The following NALCN variants were observed in gnomAD, a reference collection of about 807,000 sequenced individuals.
NALCN encodes the protein sodium leak channel, non-selective.
In NALCN, 111 loss-of-function variants were observed where a neutral mutation model predicts 225.3. That is an observed-to-expected ratio of 0.49 (90% CI 0.42 to 0.58). The LOEUF (loss-of-function observed/expected upper bound fraction) is 0.58. Ranked by LOEUF, NALCN falls within the 20% of genes least tolerant of loss-of-function variation. The pLI, the probability that NALCN is intolerant of heterozygous loss-of-function variation, is 0.00. For missense variants in NALCN, 1,378 were observed against 2,202.4 expected, an observed-to-expected ratio of 0.63 and a Z score of 7.49; for synonymous variants, 764 against 769.0, an observed-to-expected ratio of 0.99 and a Z score of 0.11.
intron 17 of NALCN, among the ~76,000 whole-genome samples, chr13:101,133,777 A>G (rs2036628475): frequency 6.6e-6 from 1 of 152,244 alleles, no homozygotes; most frequent in Admixed American, 6.5e-5. Flanking sequence ...TTATGGATGT[A>G]TATAAAGGTG....
rs557447029 is a variant in NALCN at position 101,057,667 on chromosome 13, TC to T, written c.5023+271del. 567 of 445,706 alleles carry T rather than the reference TC, an allele frequency of 1.3e-3. 4 individuals are homozygous for T. Among genetic ancestry groups the T allele is most frequent in the African/African-American group, 9.1e-3 (449 of 49,568 alleles). The allele number at this position is 445,706 out of a possible 1,614,324, so 27.6% of individuals were successfully genotyped here. ...CAGAAAGCCCTTGGAAATTTCTCCC[TC>T]TTGCTGAATCTTGTCTTTTTCATAG... On this transcript the variant is annotated intron_variant, in intron 43 of 43. Transcript: ENST00000251127.
chr13:101,223,408 C>A (rs999267636), intron 13 of NALCN, among the ~76,000 whole-genome samples: 2 of 152,122 alleles, frequency 1.3e-5, no homozygotes, highest in Admixed American at 6.5e-5. Flanking sequence ...TGGTTGATAC[C>A]TTTTTGGAAT....
intron 9 of NALCN, among the ~76,000 whole-genome samples, chr13:101,290,034 T>C (rs1190359078): frequency 6.6e-6 from 1 of 152,224 alleles, no homozygotes; most frequent in East Asian, 1.9e-4. Flanking sequence ...TATAGCATTT[T>C]TCTTAATGAA....
intron 14 of NALCN, among the ~76,000 whole-genome samples, chr13:101,188,726 C>A (rs1215787130): frequency 6.6e-6 from 1 of 150,668 alleles, no homozygotes; most frequent in African/African-American, 2.4e-5. Flanking sequence ...CTGTTGTTGC[C>A]CAGGCTGGGG....
chr13:101,058,353 G>A (rs544609681), intron 42 of NALCN: 72 of 244,880 alleles, frequency 2.9e-4, no homozygotes, highest in African/African-American at 1.5e-3. Flanking sequence ...TCATATCTTC[G>A]CTGGCAAACC....
At chr13:101,210,829 A>G (rs1178301965) in intron 13 of NALCN, among the ~76,000 whole-genome samples, 3 of 152,170 alleles carry the variant, frequency 2.0e-5, no homozygotes, top group African/African-American at 7.2e-5. Flanking sequence ...TGCACCTGTT[A>G]CTTCCTTTAA....
chr13:101,378,539 C>A (rs761659600), intron 4 of NALCN, 31 bp downstream of exon 4: 9 of 1,547,164 alleles, frequency 5.8e-6, no homozygotes, highest in Admixed American at 5.3e-5. Context: ...TTGGAGAATA[C>A]CTGCTTGTAA....
chr13:101,289,851 T>A (rs1406030560), intron 9 of NALCN, among the ~76,000 whole-genome samples: 6 of 152,184 alleles, frequency 3.9e-5, no homozygotes, highest in Non-Finnish European at 8.8e-5. Flanking sequence ...CATAATAGCA[T>A]CATGGCAAAT....
chr13:101,065,043 C>T (rs1427348606), intron 40 of NALCN, among the ~76,000 whole-genome samples: 2 of 152,166 alleles, frequency 1.3e-5, no homozygotes, highest in Non-Finnish European at 2.9e-5. Context: ...GCCCTGTAAC[C>T]GCAAGCAAGT....
intron 7 of NALCN, among the ~76,000 whole-genome samples, chr13:101,307,863 G>A (rs568170507): frequency 1.5e-3 from 227 of 152,178 alleles, no homozygotes; most frequent in African/African-American, 5.2e-3. Context: ...ACCAAAATCC[G>A]ATATTTAAAA....
chr13:101,341,296 C>T (rs888761407), intron 7 of NALCN, among the ~76,000 whole-genome samples: 1 of 152,156 alleles, frequency 6.6e-6, no homozygotes, highest in African/African-American at 2.4e-5. Flanking sequence ...CAAAAATATT[C>T]AGAAAGAGCT....
At chr13:101,350,144 A>G (rs1003393668) in intron 6 of NALCN, among the ~76,000 whole-genome samples, 3 of 152,090 alleles carry the variant, frequency 2.0e-5, no homozygotes, top group African/African-American at 7.2e-5. Flanking sequence ...ATTTGGCACA[A>G]AGCATATGGA....
At chr13:101,191,886 G>C (rs1320762829) in intron 14 of NALCN, 31 bp downstream of exon 14, 1 of 1,576,068 alleles carries the variant, frequency 6.3e-7, no homozygotes, top group Non-Finnish European at 8.6e-7. Context: ...TAAATTCCAA[G>C]ATATAATTGA....
At chr13:101,099,162 A>G (rs114100474) in intron 27 of NALCN, among the ~76,000 whole-genome samples, 1,858 of 151,298 alleles carry the variant, frequency 0.012, 33 homozygotes, top group African/African-American at 0.041. Flanking sequence ...ATCAAAAATC[A>G]CTCTTCTTTC....
intron 17 of NALCN, among the ~76,000 whole-genome samples, chr13:101,134,165 G>A (rs2036651505): frequency 6.6e-6 from 1 of 151,870 alleles, no homozygotes; most frequent in Non-Finnish European, 1.5e-5. Flanking sequence ...GCGAGACTCT[G>A]TCTCAAAAAA....
At chr13:101,397,039 C>A (rs1381237719) in intron 2 of NALCN, among the ~76,000 whole-genome samples, 1 of 129,808 alleles carries the variant, frequency 7.7e-6, no homozygotes, top group African/African-American at 2.8e-5. Context: ...GCTTTGCAGT[C>A]CAAGAAGTAA....
intron 13 of NALCN, among the ~76,000 whole-genome samples, chr13:101,214,091 T>C (rs141797787): frequency 6.6e-6 from 1 of 152,220 alleles, no homozygotes; most frequent in Non-Finnish European, 1.5e-5. Context: ...GGCACATGTA[T>C]ACACCATGGA....
chr13:101,096,376 A>G (rs953244733), intron 27 of NALCN, among the ~76,000 whole-genome samples: 2 of 152,244 alleles, frequency 1.3e-5, no homozygotes, highest in Non-Finnish European at 2.9e-5. Context: ...ATACAAGTGA[A>G]TATTATTCAG....
chr13:101,144,739 A>G (rs750660505), intron 16 of NALCN, 21 bp downstream of exon 16: 6 of 1,600,794 alleles, frequency 3.7e-6, no homozygotes, highest in East Asian at 2.2e-5. Context: ...GAAATATGCA[A>G]TTAAAGAAGT....
Sources: allele counts gnomAD v4.1 joint callset (sites outside exome capture counted in the v4.1 genomes callset), GRCh38; gene constraint gnomAD v4.1.1; transcripts MANE v1.5; gene names NCBI Gene and HGNC (gene_info 2026-07-23, HGNC 2026-07-21).